The following DUSP22 variants were observed in gnomAD, a reference collection of about 807,000 sequenced individuals.
The protein encoded by DUSP22 is dual specificity protein phosphatase 22.
A neutral mutation model predicts 24.5 loss-of-function variants in DUSP22; 24 were observed. That is an observed-to-expected ratio of 0.98 (90% CI 0.71 to 1.38). The LOEUF is 1.38. Ranked by LOEUF, DUSP22 falls within the 40% of genes most tolerant of loss-of-function variation. The pLI, the probability that DUSP22 is intolerant of heterozygous loss-of-function variation, is 0.00. For synonymous variants in DUSP22, 160 were observed against 106.4 expected (o/e 1.50, Z -3.10); for missense variants, 330 against 269.2 (o/e 1.23, Z -1.58).
intron 1 of DUSP22, among the ~76,000 whole-genome samples, chr6:301,859 C>A (rs2261658): frequency 1 from 151,999 of 152,426 alleles, 75,786 homozygotes; most frequent in Middle Eastern, 1. Context: ...GGAGTCAGAA[C>A]ATCATGGTTC....
chr6:336,004 T>C (rs1759347348), intron 4 of DUSP22, among the ~76,000 whole-genome samples: 1 of 152,304 alleles, frequency 6.6e-6, no homozygotes, highest in Admixed American at 6.5e-5. Context: ...AGGATTAGGT[T>C]TTGGCAAGAT....
chr6:304,855 C>T (rs1757749419), intron 2 of DUSP22, among the ~76,000 whole-genome samples, 194 bp downstream of exon 2: 1 of 152,244 alleles, frequency 6.6e-6, no homozygotes, highest in Admixed American at 6.5e-5. Flanking sequence ...ACTCCCCATT[C>T]CTCTCCTCCC....
intron 1 of DUSP22, among the ~76,000 whole-genome samples, chr6:301,544 C>A (rs926192127): frequency 2.0e-5 from 3 of 152,300 alleles, no homozygotes; most frequent in Admixed American, 2.0e-4. Flanking sequence ...AAGAATATGG[C>A]TTTAGAAAAT....
intron 4 of DUSP22, among the ~76,000 whole-genome samples, chr6:337,521 G>C (rs962401212): frequency 4.6e-5 from 7 of 152,302 alleles, no homozygotes; most frequent in Non-Finnish European, 7.3e-5. Flanking sequence ...AGATATGCCA[G>C]CTTCTTCTCT....
intron 3 of DUSP22, among the ~76,000 whole-genome samples, chr6:322,842 G>C (rs1312839775): frequency 2.3e-4 from 33 of 144,070 alleles, no homozygotes; most frequent in African/African-American, 5.5e-4. Context: ...GGGCGGGGGG[G>C]GGCCTTCGAG....
chr6:342,368 C>T (rs1310167009), intron 4 of DUSP22, among the ~76,000 whole-genome samples: 2 of 152,306 alleles, frequency 1.3e-5, no homozygotes, highest in Non-Finnish European at 2.9e-5. Context: ...CCTTGGGGGG[C>T]CACAGCAGCG....
chr6:319,324 G>T (rs916619714), intron 3 of DUSP22, among the ~76,000 whole-genome samples: 1 of 152,302 alleles, frequency 6.6e-6, no homozygotes, highest in African/African-American at 2.4e-5. Flanking sequence ...GTTTGGCTGC[G>T]CTGTGTTCAT....
chr6:349,107 G>T lies in DUSP22; in HGVS notation c.*156G>T. The stretch of plus-strand genomic sequence containing the variant: ...CCCCCAAGCAACACCGCCCAGCCCT[G>T]CTCCAGGCCCCTGCACTCCGCCCAC... On this transcript the variant is annotated 3_prime_UTR_variant, in exon 7 of 7. Coordinates refer to ENST00000419235, the MANE Select transcript of DUSP22 (RefSeq NM_001286555.3). 6.9e-6 allele frequency: 10 copies of T among 1,449,634 alleles called. No homozygotes were observed. Among genetic ancestry groups the T allele is most frequent in the Non-Finnish European group, 8.1e-6 (9 of 1,107,752 alleles). The allele number at this position is 1,449,634 out of a possible 1,614,324, so 89.8% of individuals were successfully genotyped here. A position where few individuals can be genotyped will look rare whatever the true frequency, so the allele number is the denominator to read the frequency against.
chr6:319,624 C>T (rs1344063870), intron 3 of DUSP22, among the ~76,000 whole-genome samples: 1 of 152,300 alleles, frequency 6.6e-6, no homozygotes, highest in Non-Finnish European at 1.5e-5. Flanking sequence ...TTGCGTTGGC[C>T]ATTGTTTCCA....
chr6:344,791 C>T (rs528042903), intron 4 of DUSP22, among the ~76,000 whole-genome samples: 1 of 152,418 alleles, frequency 6.6e-6, no homozygotes, highest in South Asian at 2.1e-4. Flanking sequence ...CTGCCAAAGT[C>T]CCGGGAGACC....
In DUSP22 at chr6:292,512, G is replaced by C. The variant is rs767633317; in HGVS notation, c.-28G>C. The C allele has an allele frequency of 1.2e-6, 2 of 1,604,536 alleles. No individual in the cohort carries two copies. Among genetic ancestry groups the C allele is most frequent in the South Asian group, 1.1e-5 (1 of 90,394 alleles). On this transcript the variant is annotated 5_prime_UTR_variant, in exon 1 of 7. Coordinates refer to ENST00000419235, the MANE Select transcript of DUSP22 (RefSeq NM_001286555.3). ...ATAGTGCGCCTGCGACCACACGGCC[G>C]GGGCGCTAGCGTTCGCCTTCAGCCA...
intron 3 of DUSP22, among the ~76,000 whole-genome samples, chr6:319,636 C>T (rs536229470): frequency 2.0e-5 from 3 of 152,428 alleles, no homozygotes; most frequent in Middle Eastern, 3.4e-3. Flanking sequence ...TTGTTTCCAG[C>T]GTGGGTGAAT....
intron 3 of DUSP22, among the ~76,000 whole-genome samples, chr6:328,161 C>A (rs1278868061): frequency 1.3e-5 from 2 of 152,308 alleles, no homozygotes; most frequent in African/African-American, 4.8e-5. Context: ...GTTCAGGCTT[C>A]ACCTTCATTA....
At position 348,103 on chromosome 6, in the gene DUSP22, C is replaced by T. The variant is rs773816082; in HGVS notation, c.264C>T (p.Cys88=). The change falls in exon 6 of 7, where the codon TGC becomes TGT. Residue 88 remains cysteine, a splice_region_variant and synonymous_variant. Coordinates refer to ENST00000419235, the MANE Select transcript of DUSP22 (RefSeq NM_001286555.3). ...RLRGESCLVH[C]LAGVSRSVTL... ...ACATGTGCTTCTCTTGGCCCCGCAGCCTGGCCGGGGTCTCCAGGAGCGTGA... is the reference window on the plus strand; with the variant it reads ...ACATGTGCTTCTCTTGGCCCCGCAGTCTGGCCGGGGTCTCCAGGAGCGTGA... The T allele has an allele frequency of 6.2e-7, 1 of 1,614,136 alleles. No individual in the cohort carries two copies. The highest frequency in any genetic ancestry group is 8.5e-7 in the Non-Finnish European group (1 of 1,179,962).
chr6:349,125 C>T lies in DUSP22; in HGVS notation c.*174C>T, dbSNP rs1760042950. ...CAGCCCTGCTCCAGGCCCCTGCACT[C>T]CGCCCACCCCTACCCTGGCTGCACC... On this transcript the variant is annotated 3_prime_UTR_variant, in exon 7 of 7. Transcript: ENST00000419235. 1.4e-6 allele frequency: 2 copies of T among 1,440,900 alleles called. No individual in the cohort carries two copies. 89.3% of individuals were successfully genotyped at this position (1,440,900 alleles called of 1,614,324 possible).
intron 3 of DUSP22, among the ~76,000 whole-genome samples, chr6:329,255 G>C (rs1385494707): frequency 1.3e-5 from 2 of 152,306 alleles, no homozygotes; most frequent in Non-Finnish European, 2.9e-5. Flanking sequence ...ATATGAAAGT[G>C]CAGCAGTCAG....
chr6:311,839 G>A (rs377756769), intron 2 of DUSP22, 41 bp from the exon 3 acceptor site: 18 of 1,568,092 alleles, frequency 1.1e-5, no homozygotes, highest in Non-Finnish European at 1.4e-5. Context: ...TAATTAACTT[G>A]CAAAGATATC....
chr6:337,862 G>C (rs915887081), intron 4 of DUSP22: 2 of 152,502 alleles, frequency 1.3e-5, no homozygotes, highest in Non-Finnish European at 2.9e-5. Context: ...TCTTTCTTTG[G>C]CTGGATGACT....
chr6:318,161 G>T (rs1002344988), intron 3 of DUSP22, among the ~76,000 whole-genome samples: 3 of 152,302 alleles, frequency 2.0e-5, no homozygotes, highest in Non-Finnish European at 4.4e-5. Flanking sequence ...AATCCCCTGT[G>T]CAGCTCCTGT....
Sources: gnomAD v4.1 joint callset for allele counts (sites outside exome capture counted in the v4.1 genomes callset) on GRCh38, gnomAD v4.1.1 for gene constraint, MANE v1.5 for transcripts, NCBI Gene and HGNC (gene_info 2026-07-23, HGNC 2026-07-21) for gene names.